NFIB: variants seen among roughly 807,000 people sequenced by gnomAD.
The protein encoded by NFIB is nuclear factor I B.
Under a neutral mutation model 61.5 loss-of-function variants are expected in NFIB, and 11 were observed. The ratio of observed to expected loss-of-function variants is 0.18; its 90% CI spans 0.11 to 0.30. The LOEUF (loss-of-function observed/expected upper bound fraction) is 0.30, where lower values mean the gene tolerates loss of function less well. NFIB is among the 10% of genes least tolerant of loss of function. NFIB has a pLI of 1.00. For synonymous variants in NFIB, 260 were observed against 216.5 expected (o/e 1.20, Z -1.76); for missense variants, 471 against 608.9 (o/e 0.77, Z 2.38).
At position 14,120,294 on chromosome 9, in the gene NFIB, T is replaced by G; in HGVS notation, c.1245+146A>C. The G allele has an allele frequency of 2.4e-6, 2 of 842,700 alleles. No individual in the cohort carries two copies. The highest frequency in any genetic ancestry group is 3.9e-6 in the Non-Finnish European group (2 of 514,500). The allele number at this position is 842,700 out of a possible 1,614,324, so 52.2% of individuals were successfully genotyped here. On this transcript the variant is annotated intron_variant, in intron 8 of 10. Transcript: ENST00000380953. The surrounding 1 kb of genome is among the most constrained non-coding windows in gnomAD (Gnocchi z 4.4). ...CATTCAGCCACCTTTAAATAAAAAC[T>G]TATTGAGTCACCAAGCAACTTCCTG...
the NFIB span, among the ~76,000 whole-genome samples, chr9:14,405,711 G>C: frequency 6.6e-6 from 1 of 152,154 alleles, no homozygotes; most frequent in Non-Finnish European, 1.5e-5. Context: ...TGGAAAAATT[G>C]ACTGCTTCCA....
At chr9:14,167,709 A>G (rs1297881667) in intron 3 of NFIB, among the ~76,000 whole-genome samples, 1 of 152,226 alleles carries the variant, frequency 6.6e-6, no homozygotes, top group Non-Finnish European at 1.5e-5. Context: ...CAAGTGAATC[A>G]GAAACATTCA....
chr9:14,245,873 G>A (rs545010929), intron 2 of NFIB, among the ~76,000 whole-genome samples: 1 of 151,986 alleles, frequency 6.6e-6, no homozygotes, highest in Non-Finnish European at 1.5e-5. Flanking sequence ...ACTCTGTCTC[G>A]AAAAATGATA....
intron 2 of NFIB, among the ~76,000 whole-genome samples, chr9:14,275,908 C>T (rs1163488450): frequency 6.6e-6 from 1 of 151,686 alleles, no homozygotes. Flanking sequence ...GTTCAAAACT[C>T]TACCAGTATA....
chr9:14,240,742 C>G (rs980909712), intron 2 of NFIB, among the ~76,000 whole-genome samples: 3 of 152,174 alleles, frequency 2.0e-5, no homozygotes, highest in African/African-American at 7.2e-5. Flanking sequence ...AGAAAGCACT[C>G]CCTAAGTCCA....
In NFIB at chr9:14,088,264, G is replaced by A; in HGVS notation, c.*45C>T. On this transcript the variant is annotated 3_prime_UTR_variant, in exon 11 of 11. Transcript: ENST00000380953. Reference sequence around the variant, plus strand: ...GTTCAAACCGTAATTTTGGACATTGGCCGGTAAGATGGGTGTCCTATTTGA... The same window carrying A: ...GTTCAAACCGTAATTTTGGACATTGACCGGTAAGATGGGTGTCCTATTTGA... The A allele has an allele frequency of 1.3e-6, 2 of 1,593,896 alleles. No individual in the cohort carries two copies. Among genetic ancestry groups the A allele is most frequent in the Non-Finnish European group, 1.7e-6 (2 of 1,168,334 alleles).
chr9:14,412,250 C>T, the NFIB span, among the ~76,000 whole-genome samples: 1 of 152,164 alleles, frequency 6.6e-6, no homozygotes, highest in Non-Finnish European at 1.5e-5. Context: ...ATGTATTGTT[C>T]TGAATGGCAA....
intron 2 of NFIB, among the ~76,000 whole-genome samples, chr9:14,186,201 T>C (rs1299831521): frequency 2.0e-5 from 3 of 152,202 alleles, no homozygotes; most frequent in African/African-American, 7.2e-5. Context: ...AATATAGCTT[T>C]TATATCAAGG....
chr9:14,417,271 T>C, the NFIB span, among the ~76,000 whole-genome samples: 1 of 152,212 alleles, frequency 6.6e-6, no homozygotes, highest in Non-Finnish European at 1.5e-5. Flanking sequence ...TACCATTGTG[T>C]TATAATTGCT....
the NFIB span, among the ~76,000 whole-genome samples, chr9:14,527,112 A>G: frequency 6.6e-6 from 1 of 152,184 alleles, no homozygotes; most frequent in African/African-American, 2.4e-5. Flanking sequence ...ACATCTTCAT[A>G]TAGTTCACTT....
chr9:14,190,434 T>C (rs1367740016), intron 2 of NFIB, among the ~76,000 whole-genome samples: 1 of 152,104 alleles, frequency 6.6e-6, no homozygotes, highest in Non-Finnish European at 1.5e-5. Flanking sequence ...AGGAAAAAAA[T>C]CAGATAAGTC....
At chr9:14,288,955 C>G (rs918523654) in intron 2 of NFIB, among the ~76,000 whole-genome samples, 1 of 151,552 alleles carries the variant, frequency 6.6e-6, no homozygotes, top group Admixed American at 6.6e-5. Context: ...CCACAAATGC[C>G]TACTTCTTTG....
the NFIB span, among the ~76,000 whole-genome samples, chr9:14,493,907 C>T: frequency 2.0e-5 from 3 of 152,182 alleles, no homozygotes; most frequent in Non-Finnish European, 4.4e-5. Context: ...GTGGCAGAAT[C>T]AGAGAGGACT....
Position 14,307,417 on chromosome 9 carries a change from T to G in NFIB, c.134A>C (p.His45Pro). 6.2e-7 allele frequency: 1 copy of G among 1,614,098 alleles called. No homozygotes were observed. Among genetic ancestry groups the G allele is most frequent in the Non-Finnish European group, 8.5e-7 (1 of 1,180,026 alleles). Residue 45 changes from histidine (H) to proline (P), a missense_variant, in exon 2 of 11, where the codon CAT becomes CCT. His to Pro is a moderately conservative substitution (Grantham distance 77, BLOSUM62 -2). Around this residue, in one of 2 missense-constraint regions of NFIB, gnomAD observed 99 missense variants for 213.3 expected, o/e 0.46. Transcript: ENST00000380953. This position sits in a 1 kb window ranked among gnomAD's most constrained non-coding sequence, Gnocchi z 5.3. ...TTCATCCTTTGACATTCGCTTCTCA[T>G]GCTTTTTAAAGTACTTGCGTTTTCG... ...QARKRKYFKK[H>P]EKRMSKDEER...
chr9:14,275,899 T>A (rs2057963502), intron 2 of NFIB, among the ~76,000 whole-genome samples: 1 of 152,144 alleles, frequency 6.6e-6, no homozygotes, highest in South Asian at 2.1e-4. Context: ...GTTGTTGATG[T>A]TCAAAACTCT....
At chr9:14,498,970 T>A in the NFIB span, among the ~76,000 whole-genome samples, 2 of 152,022 alleles carry the variant, frequency 1.3e-5, no homozygotes, top group African/African-American at 4.8e-5. Context: ...GAAGGCTATG[T>A]ATGGAAGTCA....
In NFIB at chr9:14,174,832, T is replaced by C. The variant is rs2045980133; in HGVS notation, c.616+4895A>G. Among the ~76,000 whole-genome samples the C allele has an allele frequency of 4.6e-5, 7 of 152,006 alleles. No homozygotes were observed. In the South Asian group the frequency reaches 1.5e-3, roughly 32 times the overall value. On this transcript the variant is annotated intron_variant, in intron 3 of 10. Coordinates refer to ENST00000380953, the MANE Select transcript of NFIB (RefSeq NM_001190737.2). Reference sequence around the variant, plus strand: ...AAAGCCAGAGTAAATTTCTCTTTTCTTTGACTTTGACTTTGAACACCATAT... The same window carrying C: ...AAAGCCAGAGTAAATTTCTCTTTTCCTTGACTTTGACTTTGAACACCATAT...
chr9:14,513,676 A>T, the NFIB span, among the ~76,000 whole-genome samples: 2 of 151,978 alleles, frequency 1.3e-5, no homozygotes, highest in Non-Finnish European at 2.9e-5. Context: ...AAAAAAAGAA[A>T]CAAAATGAAA....
At chr9:14,322,518 C>G (rs1267418643) in intron 1 of NFIB, among the ~76,000 whole-genome samples, 1 of 152,098 alleles carries the variant, frequency 6.6e-6, no homozygotes, top group South Asian at 2.1e-4. Context: ...CCCTTCCGCG[C>G]CCGGCCCGCG....
Sources: allele counts gnomAD v4.1 joint callset (sites outside exome capture counted in the v4.1 genomes callset), GRCh38; gene constraint gnomAD v4.1.1; regional missense constraint gnomAD v4.1.1; non-coding constraint Gnocchi (gnomAD v3.1); transcripts MANE v1.5; gene names NCBI Gene and HGNC (gene_info 2026-07-23, HGNC 2026-07-21).